The following COL14A1 variants were observed in gnomAD, a reference collection of about 807,000 sequenced individuals.
COL14A1 encodes collagen alpha-1(XIV) chain.
In COL14A1, 136 loss-of-function variants were observed where a neutral mutation model predicts 230.3. The ratio of observed to expected loss-of-function variants is 0.59; its 90% CI spans 0.51 to 0.68. COL14A1 has a LOEUF of 0.68. COL14A1 is among the 30% of genes least tolerant of loss of function. The probability of loss-of-function intolerance (pLI) is 0.00; values close to 1 mark genes in which losing one functional copy is unlikely to be tolerated. For synonymous variants in COL14A1, 792 were observed against 784.1 expected, an observed-to-expected ratio of 1.01 and a Z score of -0.17; for missense variants, 1,976 against 2,215.8, an observed-to-expected ratio of 0.89 and a Z score of 2.17.
intron 19 of COL14A1, among the ~76,000 whole-genome samples, chr8:120,240,088 CAA>C (rs1218397115): frequency 6.6e-6 from 1 of 151,778 alleles, no homozygotes; most frequent in East Asian, 1.9e-4. Flanking sequence ...AAAAAAAGAT[CAA>C]AAGTCTTAAA....
At chr8:120,141,741 T>G (rs1814920338) in intron 1 of COL14A1, among the ~76,000 whole-genome samples, 3 of 152,168 alleles carry the variant, frequency 2.0e-5, no homozygotes, top group Admixed American at 1.3e-4. Context: ...TCAAAACACT[T>G]GGATGCAGGA....
At chr8:120,244,856 A>G (rs1818715670) in intron 20 of COL14A1, among the ~76,000 whole-genome samples, 1 of 152,052 alleles carries the variant, frequency 6.6e-6, no homozygotes, top group South Asian at 2.1e-4. Flanking sequence ...AATGATCTGC[A>G]CCTCTGTTTT....
intron 2 of COL14A1, among the ~76,000 whole-genome samples, chr8:120,152,145 AG>A (rs934916134): frequency 3.3e-5 from 5 of 152,160 alleles, no homozygotes; most frequent in African/African-American, 1.2e-4. Context: ...AATTTATTAT[AG>A]TAACGATAAT....
intron 23 of COL14A1, among the ~76,000 whole-genome samples, chr8:120,262,562 G>T (rs1488674261): frequency 6.6e-6 from 1 of 152,170 alleles, no homozygotes; most frequent in Non-Finnish European, 1.5e-5. Flanking sequence ...CAAAAGATCA[G>T]TTAGGATGTG....
chr8:120,177,846 A>G (rs77929679), intron 5 of COL14A1, among the ~76,000 whole-genome samples: 2,821 of 151,914 alleles, frequency 0.019, 78 homozygotes, highest in African/African-American at 0.064. Flanking sequence ...GGACCAAATG[A>G]ACATAAAGAG....
At chr8:120,290,179 A>G (rs1050467519) in intron 34 of COL14A1, among the ~76,000 whole-genome samples, 4 of 152,224 alleles carry the variant, frequency 2.6e-5, no homozygotes, top group Admixed American at 1.3e-4. Context: ...AGTGAATATT[A>G]TACACAGGAA....
intron 17 of COL14A1, among the ~76,000 whole-genome samples, chr8:120,227,555 G>T (rs1448673385): frequency 6.6e-6 from 1 of 152,104 alleles, no homozygotes; most frequent in Non-Finnish European, 1.5e-5. Flanking sequence ...CAACATGAAG[G>T]CAGGGACCAT....
chr8:120,262,746 A>T (rs1038477834), intron 23 of COL14A1, 122 bp from the exon 24 acceptor site: 2 of 860,104 alleles, frequency 2.3e-6, no homozygotes, highest in African/African-American at 1.7e-5. Context: ...AATATAACTC[A>T]TTCTGGAGTT....
intron 5 of COL14A1, among the ~76,000 whole-genome samples, chr8:120,192,751 A>T (rs1586753068): frequency 6.6e-6 from 1 of 152,116 alleles, no homozygotes; most frequent in South Asian, 2.1e-4. Context: ...ATTTCTTTTT[A>T]TTCTTTTTTC....
intron 40 of COL14A1, among the ~76,000 whole-genome samples, chr8:120,317,245 C>T (rs1314239992): frequency 6.6e-6 from 1 of 152,188 alleles, no homozygotes. Context: ...TCTACTCAAA[C>T]AAGGCTTGCT....
intron 42 of COL14A1, among the ~76,000 whole-genome samples, chr8:120,336,744 C>G (rs544459456): frequency 6.6e-6 from 1 of 152,308 alleles, no homozygotes; most frequent in African/African-American, 2.4e-5. Context: ...AGTTCAGTCA[C>G]ACATTATTTA....
At chr8:120,166,040 G>C (rs1815859509) in intron 4 of COL14A1, among the ~76,000 whole-genome samples, 1 of 152,202 alleles carries the variant, frequency 6.6e-6, no homozygotes, top group African/African-American at 2.4e-5. Context: ...TCCCTGCAGA[G>C]AATGAGGGTC....
intron 5 of COL14A1, among the ~76,000 whole-genome samples, chr8:120,182,367 A>G (rs903642462): frequency 7.2e-5 from 11 of 152,180 alleles, no homozygotes; most frequent in African/African-American, 9.7e-5. Context: ...CCATACCTGC[A>G]GGGCTGACTG....
intron 1 of COL14A1, among the ~76,000 whole-genome samples, chr8:120,131,086 A>T (rs1182347126): frequency 1.3e-5 from 2 of 152,186 alleles, no homozygotes; most frequent in Non-Finnish European, 2.9e-5. Flanking sequence ...TCCATGGTGT[A>T]TATGTACCAC....
intron 35 of COL14A1, among the ~76,000 whole-genome samples, chr8:120,297,884 C>A (rs1820575634): frequency 6.6e-6 from 1 of 151,924 alleles, no homozygotes; most frequent in African/African-American, 2.4e-5. Flanking sequence ...ACCCCTAAGC[C>A]AAAAGAAACA....
chr8:120,264,670 T>C (rs1160459573), intron 24 of COL14A1, among the ~76,000 whole-genome samples: 1 of 152,184 alleles, frequency 6.6e-6, no homozygotes, highest in Non-Finnish European at 1.5e-5. Flanking sequence ...GCCATACTTT[T>C]TTAAGTTTTA....
chr8:120,225,040 A>T (rs372784821), intron 14 of COL14A1, 48 bp from the exon 15 acceptor site: 2 of 1,561,140 alleles, frequency 1.3e-6, no homozygotes, highest in Non-Finnish European at 1.7e-6. Flanking sequence ...AATGATTCTT[A>T]TACTTAGCAT....
chr8:120,274,362 C>T (rs1247094746), intron 26 of COL14A1, among the ~76,000 whole-genome samples: 1 of 151,762 alleles, frequency 6.6e-6, no homozygotes, highest in Non-Finnish European at 1.5e-5. Context: ...AACCTCACAG[C>T]CAAAATCATA....
intron 25 of COL14A1, among the ~76,000 whole-genome samples, chr8:120,268,696 T>C (rs1478289366): frequency 2.0e-5 from 3 of 151,726 alleles, no homozygotes; most frequent in Non-Finnish European, 4.4e-5. Context: ...CATTAAAACG[T>C]AGAAAAAACT....
Sources: gnomAD v4.1 joint callset for allele counts (sites outside exome capture counted in the v4.1 genomes callset) on GRCh38, gnomAD v4.1.1 for gene constraint, MANE v1.5 for transcripts, NCBI Gene and HGNC (gene_info 2026-07-23, HGNC 2026-07-21) for gene names.